RSPH14: variants seen among roughly 807,000 people sequenced by gnomAD.
RSPH14 encodes rhabdoid tumor deletion region gene 1.
In RSPH14, 20 loss-of-function variants were observed where a neutral mutation model predicts 26.7. The observed-to-expected ratio is 0.75, with a 90% CI of 0.53 to 1.09. RSPH14 has a LOEUF of 1.09. Among genes scored for constraint, RSPH14 ranks in the 50% least tolerant of loss-of-function variants. The probability of loss-of-function intolerance (pLI) is 0.00; values close to 1 mark genes in which losing one functional copy is unlikely to be tolerated. For synonymous variants in RSPH14, 177 were observed against 189.3 expected (o/e 0.93, Z 0.53); for missense variants, 449 against 457.2 (o/e 0.98, Z 0.16).
chr22:23,171,199 C>G, the RSPH14 span, among the ~76,000 whole-genome samples: 4 of 152,110 alleles, frequency 2.6e-5, no homozygotes, highest in Admixed American at 2.6e-4. Flanking sequence ...ATCTCCTGAC[C>G]TCATGATCCA....
chr22:23,119,972 C>T (rs1174744700), intron 4 of RSPH14, among the ~76,000 whole-genome samples: 1 of 152,196 alleles, frequency 6.6e-6, no homozygotes, highest in African/African-American at 2.4e-5. Flanking sequence ...GCCTGAAATG[C>T]CTGCAAAGCA....
chr22:23,153,121 T>C, the RSPH14 span: 2 of 1,613,762 alleles, frequency 1.2e-6, no homozygotes, highest in Non-Finnish European at 1.7e-6. Flanking sequence ...TGGGATTCCC[T>C]ATAGCCTCCA....
At chr22:23,140,775 A>C (rs7288756) in intron 1 of RSPH14, among the ~76,000 whole-genome samples, 3,737 of 152,236 alleles carry the variant, frequency 0.025, 152 homozygotes, top group African/African-American at 0.086. Context: ...CAAACAAGCA[A>C]ACTCCAAGTT....
chr22:23,166,687 C>T, the RSPH14 span, among the ~76,000 whole-genome samples: 3 of 152,130 alleles, frequency 2.0e-5, no homozygotes, highest in Non-Finnish European at 2.9e-5. Flanking sequence ...AATGAGTGCA[C>T]GGCTAGTCTC....
At chr22:23,137,696 G>A (rs115993455) in intron 3 of RSPH14, 4,478 of 349,886 alleles carry the variant, frequency 0.013, 183 homozygotes, top group African/African-American at 0.09. Flanking sequence ...CTGGGCCTGT[G>A]CACACTGGGC....
At chr22:23,126,346 C>T (rs1037940387) in intron 4 of RSPH14, among the ~76,000 whole-genome samples, 2 of 152,154 alleles carry the variant, frequency 1.3e-5, no homozygotes, top group African/African-American at 2.4e-5. Context: ...TCTCTGGCCC[C>T]GTCCTCCCCT....
intron 6 of RSPH14, among the ~76,000 whole-genome samples, chr22:23,061,008 A>G (rs2068083560): frequency 6.6e-6 from 1 of 152,078 alleles, no homozygotes; most frequent in Admixed American, 6.5e-5. Context: ...CAGCATCCTG[A>G]CTACACCAGT....
chr22:23,178,415 CAA>C, the RSPH14 span, among the ~76,000 whole-genome samples: 8 of 129,016 alleles, frequency 6.2e-5, no homozygotes, highest in African/African-American at 5.5e-5. Context: ...GACTCCGTCT[CAA>C]AAAAAAAAAA....
intron 4 of RSPH14, among the ~76,000 whole-genome samples, chr22:23,080,085 C>T (rs2146267961): frequency 6.6e-6 from 1 of 152,326 alleles, no homozygotes; most frequent in South Asian, 2.1e-4. Flanking sequence ...AGGCAGCAAC[C>T]TCTTTGATTT....
intron 4 of RSPH14, among the ~76,000 whole-genome samples, chr22:23,114,722 G>C (rs192823124): frequency 2.0e-5 from 3 of 152,302 alleles, no homozygotes; most frequent in Non-Finnish European, 4.4e-5. Flanking sequence ...TTTTTTGGAG[G>C]GGGGACAGGT....
intron 2 of RSPH14, among the ~76,000 whole-genome samples, chr22:23,139,708 T>C (rs576982874): frequency 6.6e-6 from 1 of 152,350 alleles, no homozygotes; most frequent in African/African-American, 2.4e-5. Flanking sequence ...CTCTGAACCA[T>C]GCTTTTCTTA....
chr22:23,176,057 T>C, the RSPH14 span, among the ~76,000 whole-genome samples: 18 of 151,892 alleles, frequency 1.2e-4, no homozygotes, highest in Admixed American at 9.2e-4. Flanking sequence ...ACAAACAACA[T>C]CGATTCACTG....
intron 4 of RSPH14, chr22:23,132,631 G>GA (rs929439398): frequency 4.7e-4 from 53 of 113,242 alleles, no homozygotes; most frequent in Admixed American, 2.2e-3. Flanking sequence ...TAAAAAGACA[G>GA]AAAAAAATCT....
rs1162682182 is a variant in RSPH14 at position 23,108,055 on chromosome 22, G to GC, written c.421+25970dup. 2.0e-5 allele frequency among the ~76,000 whole-genome samples: 3 copies of GC among 152,104 alleles called. No individual in the cohort carries two copies. In the East Asian group the frequency reaches 5.8e-4, roughly 29 times the overall value. On this transcript the variant is annotated intron_variant, in intron 4 of 6. Coordinates refer to ENST00000216036, the MANE Select transcript of RSPH14 (RefSeq NM_014433.3). ...TGGCGGGTCTGGGTGTGAGGCCTGTGCCCCCCGCCCTGATCCAGCCCATCT... is the reference window on the plus strand; with the variant it reads ...TGGCGGGTCTGGGTGTGAGGCCTGTGCCCCCCCGCCCTGATCCAGCCCATCT...
At chr22:23,120,493 C>T (rs1234626835) in intron 4 of RSPH14, among the ~76,000 whole-genome samples, 1 of 152,164 alleles carries the variant, frequency 6.6e-6, no homozygotes, top group Non-Finnish European at 1.5e-5. Context: ...TGAACTGTTT[C>T]CGCATCAGTG....
At chr22:23,174,176 T>A in the RSPH14 span, among the ~76,000 whole-genome samples, 1 of 152,076 alleles carries the variant, frequency 6.6e-6, no homozygotes, top group Non-Finnish European at 1.5e-5. Context: ...GAACTTTTGC[T>A]TGGGGCCTAG....
chr22:23,174,702 C>T, the RSPH14 span, among the ~76,000 whole-genome samples: 1 of 149,730 alleles, frequency 6.7e-6, no homozygotes, highest in Non-Finnish European at 1.5e-5. Flanking sequence ...AGTGTGGTGG[C>T]TCACGCCTGT....
chr22:23,172,366 A>G, the RSPH14 span, among the ~76,000 whole-genome samples: 2 of 149,498 alleles, frequency 1.3e-5, no homozygotes, highest in African/African-American at 5.0e-5. Context: ...CTGTGAGCCA[A>G]GATCACACCA....
chr22:23,169,338 A>T, the RSPH14 span, among the ~76,000 whole-genome samples: 2 of 152,244 alleles, frequency 1.3e-5, no homozygotes, highest in Non-Finnish European at 2.9e-5. Context: ...CAGATGATGG[A>T]TGACAGATGA....
Sources: gnomAD v4.1 joint callset for allele counts (sites outside exome capture counted in the v4.1 genomes callset) on GRCh38, gnomAD v4.1.1 for gene constraint, MANE v1.5 for transcripts, NCBI Gene and HGNC (gene_info 2026-07-23, HGNC 2026-07-21) for gene names.